The following SGCG variants were observed in gnomAD, a reference collection of about 807,000 sequenced individuals.
The protein encoded by SGCG is sarcoglycan gamma.
A neutral mutation model predicts 29.3 loss-of-function variants in SGCG; 26 were observed. The observed-to-expected ratio is 0.89, with a 90% CI of 0.65 to 1.23. The LOEUF (loss-of-function observed/expected upper bound fraction) is 1.23. Ranked by LOEUF, SGCG falls within the 50% of genes most tolerant of loss-of-function variation. The pLI is 0.00. For synonymous variants in SGCG, 145 were observed against 129.7 expected (o/e 1.12, Z -0.80); for missense variants, 353 against 356.0 (o/e 0.99, Z 0.07).
chr13:23,299,237 T>C (rs1882024641), intron 6 of SGCG, among the ~76,000 whole-genome samples: 2 of 151,334 alleles, frequency 1.3e-5, no homozygotes, highest in African/African-American at 2.4e-5. Flanking sequence ...CCTTGAGAGA[T>C]TGATTCTTTG....
At chr13:23,321,110 A>G (rs1883025340) in intron 7 of SGCG, among the ~76,000 whole-genome samples, 1 of 152,128 alleles carries the variant, frequency 6.6e-6, no homozygotes, top group Non-Finnish European at 1.5e-5. Context: ...GGCTGTCACT[A>G]GGAGTCACCC....
At chr13:23,292,119 C>CTTTTTTTTTTTTTTTTTTTTTTTTTTTTT (rs71100167) in intron 5 of SGCG, among the ~76,000 whole-genome samples, 1 of 147,464 alleles carries the variant, frequency 6.8e-6, no homozygotes, top group African/African-American at 2.6e-5. Flanking sequence ...ACATTTCTTT[C>CTTTTTTTTTTTTTTTTTTTTTTTTTTTTT]TTTTTTTTGA....
intron 1 of SGCG, among the ~76,000 whole-genome samples, chr13:23,196,697 C>T (rs1877526604): frequency 6.6e-6 from 1 of 152,062 alleles, no homozygotes. Context: ...GCAAATACTT[C>T]TCCCAATTTA....
At chr13:23,305,479 T>A (rs1157347273) in intron 6 of SGCG, among the ~76,000 whole-genome samples, 1 of 152,210 alleles carries the variant, frequency 6.6e-6, no homozygotes, top group Non-Finnish European at 1.5e-5. Context: ...ATAGGTATAG[T>A]TTTACACCTT....
chr13:23,253,888 T>C (rs1050976620), intron 4 of SGCG, among the ~76,000 whole-genome samples: 32 of 152,314 alleles, frequency 2.1e-4, no homozygotes, highest in African/African-American at 7.7e-4. Context: ...TCTTACCACG[T>C]GATGCACCTG....
In SGCG at chr13:23,250,664, T is replaced by G; in HGVS notation, c.332T>G (p.Val111Gly). The G allele has an allele frequency of 6.2e-7, 1 of 1,613,248 alleles. No individual in the cohort carries two copies. The highest frequency in any genetic ancestry group is 8.5e-7 in the Non-Finnish European group (1 of 1,179,234). Residue 111 changes from valine to glycine, a missense_variant, in exon 4 of 8, where the codon GTG (valine) becomes GGG (glycine). By Grantham distance (109) the Val-to-Gly change is moderately radical. Coordinates refer to ENST00000218867, the MANE Select transcript of SGCG (RefSeq NM_000231.3). ...SSLLLQSTQNVTVNARNSEGE... is the reference protein window; with the variant it reads ...SSLLLQSTQNGTVNARNSEGE... ...CTGCTTCTACAATCAACCCAGAATGTGACTGTAAATGCGCGCAACTCAGAA... is the reference window on the plus strand; with the variant it reads ...CTGCTTCTACAATCAACCCAGAATGGGACTGTAAATGCGCGCAACTCAGAA...
the SGCG span, chr13:23,170,693 A>G: frequency 5.9e-5 from 9 of 152,266 alleles, no homozygotes; most frequent in African/African-American, 2.2e-4. Context: ...GTATCCAGGC[A>G]CACATTTTCA....
chr13:23,263,274 G>T (rs915919774), intron 4 of SGCG, among the ~76,000 whole-genome samples: 5 of 151,856 alleles, frequency 3.3e-5, no homozygotes, highest in Non-Finnish European at 7.4e-5. Flanking sequence ...AAATAAGCTC[G>T]ATTAGAAATG....
intron 4 of SGCG, among the ~76,000 whole-genome samples, chr13:23,276,150 A>C (rs1299961879): frequency 1.3e-5 from 2 of 152,104 alleles, no homozygotes; most frequent in African/African-American, 4.8e-5. Context: ...AAAGACGATT[A>C]CATCCTCAGC....
At chr13:23,315,842 CTGAG>C (rs903595122) in intron 6 of SGCG, among the ~76,000 whole-genome samples, 1 of 152,202 alleles carries the variant, frequency 6.6e-6, no homozygotes, top group African/African-American at 2.4e-5. Context: ...ATGGACCTCT[CTGAG>C]TGGTCAAAAA....
intron 5 of SGCG, among the ~76,000 whole-genome samples, chr13:23,280,016 C>G (rs941782726): frequency 1.3e-5 from 2 of 152,166 alleles, no homozygotes; most frequent in Admixed American, 6.5e-5. Context: ...GTGTGAGCCA[C>G]AACACCCTGC....
the SGCG span, among the ~76,000 whole-genome samples, chr13:23,175,777 T>C: frequency 6.6e-6 from 1 of 152,156 alleles, no homozygotes; most frequent in Non-Finnish European, 1.5e-5. Flanking sequence ...ATACATTTAG[T>C]AGTCTAATGA....
chr13:23,255,642 G>A (rs1880147627), intron 4 of SGCG, among the ~76,000 whole-genome samples: 1 of 152,076 alleles, frequency 6.6e-6, no homozygotes, highest in Non-Finnish European at 1.5e-5. Flanking sequence ...CCTCATGATT[G>A]GTTTAGTGCC....
chr13:23,179,351 T>G (rs958830272), upstream of SGCG, among the ~76,000 whole-genome samples: 15 of 152,150 alleles, frequency 9.9e-5, no homozygotes, highest in Non-Finnish European at 2.2e-4. Flanking sequence ...TAAATATGAG[T>G]GGGGATCAAA....
At chr13:23,291,745 CTAAT>C (rs1213365890) in intron 5 of SGCG, among the ~76,000 whole-genome samples, 9 of 152,148 alleles carry the variant, frequency 5.9e-5, no homozygotes, top group African/African-American at 2.2e-4. Flanking sequence ...CATTTAAAAA[CTAAT>C]TACTGAGTTT....
rs948438475 is a variant in SGCG, at chr13:23,223,974, A to G, written c.196-10637A>G. On this transcript the variant is annotated intron_variant, in intron 2 of 7. Coordinates refer to ENST00000218867, the MANE Select transcript of SGCG (RefSeq NM_000231.3). Reference sequence around the variant, plus strand: ...AAGCAAGACTCCATCTCAAAAAAAAAGATAAGAGGGAGATTCAATCAAAGG... The same window carrying G: ...AAGCAAGACTCCATCTCAAAAAAAAGGATAAGAGGGAGATTCAATCAAAGG... Among the ~76,000 whole-genome samples, 3 of 152,258 alleles carry G rather than the reference A, an allele frequency of 2.0e-5. No individual in the cohort carries two copies. In the East Asian group the frequency reaches 5.8e-4, roughly 29 times the overall value.
At chr13:23,167,763 G>T in the SGCG span, among the ~76,000 whole-genome samples, 1 of 147,700 alleles carries the variant, frequency 6.8e-6, no homozygotes, top group Non-Finnish European at 1.5e-5. Flanking sequence ...ACAGAGTCTT[G>T]CTCCGGCACC....
intron 6 of SGCG, among the ~76,000 whole-genome samples, chr13:23,303,127 C>T (rs1057489868): frequency 1.3e-5 from 2 of 152,162 alleles, no homozygotes; most frequent in Non-Finnish European, 2.9e-5. Flanking sequence ...TTGCACATTA[C>T]CCCTGGAAGT....
intron 1 of SGCG, among the ~76,000 whole-genome samples, chr13:23,183,431 A>G (rs1200719197): frequency 6.6e-6 from 1 of 151,948 alleles, no homozygotes; most frequent in Admixed American, 6.6e-5. Context: ...GGCTGAGGCT[A>G]TTTCTGCTGT....
Sources: allele counts gnomAD v4.1 joint callset (sites outside exome capture counted in the v4.1 genomes callset), GRCh38; gene constraint gnomAD v4.1.1; transcripts MANE v1.5; gene names NCBI Gene and HGNC (gene_info 2026-07-23, HGNC 2026-07-21).